Variants in SNX29 observed in about 807,000 individuals in gnomAD.
SNX29 encodes sorting nexin 29.
In SNX29, 78 loss-of-function variants were observed where a neutral mutation model predicts 102.1. That is an observed-to-expected ratio of 0.76 (90% CI 0.64 to 0.92). The LOEUF is 0.92. Ranked by LOEUF, SNX29 falls within the 40% of genes least tolerant of loss-of-function variation. The pLI, the probability that SNX29 is intolerant of heterozygous loss-of-function variation, is 0.00. For synonymous variants in SNX29, 580 were observed against 414.5 expected, an observed-to-expected ratio of 1.40 and a Z score of -4.85; for missense variants, 1,280 against 1,061.7, an observed-to-expected ratio of 1.21 and a Z score of -2.86.
Position 12,060,823 on chromosome 16 carries a change from G to C in SNX29, c.1125-705G>C, listed in dbSNP as rs2050743468. The C allele has an allele frequency of 4.4e-6, 2 of 456,218 alleles. 1 individual carries two copies. The highest frequency in any genetic ancestry group is 3.1e-5 in the South Asian group (2 of 64,576). The allele number at this position is 456,218 out of a possible 1,614,324, so 28.3% of individuals were successfully genotyped here. A position where few individuals can be genotyped will look rare whatever the true frequency, so the allele number is the denominator to read the frequency against. On this transcript the variant is annotated intron_variant, in intron 8 of 20. Coordinates refer to ENST00000566228, the MANE Select transcript of SNX29 (RefSeq NM_032167.5). The stretch of plus-strand genomic sequence containing the variant: ...GGCGTTTCGAAGATGGCACGCATTA[G>C]AGATTTGTACTTTGTGGGTAAGGTG...
chr16:12,407,329 T>G (rs1159457519), intron 18 of SNX29, among the ~76,000 whole-genome samples: 6 of 27,844 alleles, frequency 2.2e-4, no homozygotes, highest in African/African-American at 4.3e-4. Context: ...AATTAGATTG[T>G]TTTTTTTTTT....
chr16:12,084,514 G>C (rs557263343), intron 11 of SNX29, among the ~76,000 whole-genome samples: 1 of 152,324 alleles, frequency 6.6e-6, no homozygotes, highest in East Asian at 1.9e-4. Flanking sequence ...TAGGTTCCCA[G>C]TTCTTGTTTC....
At chr16:12,183,863 A>G (rs755166854) in intron 13 of SNX29, among the ~76,000 whole-genome samples, 1 of 152,226 alleles carries the variant, frequency 6.6e-6, no homozygotes, top group Non-Finnish European at 1.5e-5. Context: ...ACCTCTAGTC[A>G]TCATCACTGC....
chr16:12,091,785 A>AG (rs1035496311), intron 11 of SNX29, among the ~76,000 whole-genome samples: 2 of 150,442 alleles, frequency 1.3e-5, no homozygotes, highest in African/African-American at 4.9e-5. Flanking sequence ...CAAAAAAAAA[A>AG]AAAAAAAAGG....
In SNX29 at chr16:12,572,456, A is replaced by G; in HGVS notation, c.*3827A>G. On this transcript the variant is annotated 3_prime_UTR_variant, in exon 21 of 21. Transcript: ENST00000566228. ...TGCCTCTCTTGGTTCTGCATGGTAC[A>G]TTTTGCCAACCCTGAGGACCAGTTC... 2.8e-6 allele frequency: 3 copies of G among 1,063,362 alleles called. No homozygotes were observed. The highest frequency in any genetic ancestry group is 5.4e-5 in the Admixed American group (1 of 18,666). The allele number at this position is 1,063,362 out of a possible 1,614,324, so 65.9% of individuals were successfully genotyped here.
At chr16:12,427,644 A>C (rs934945752) in intron 18 of SNX29, among the ~76,000 whole-genome samples, 2 of 152,224 alleles carry the variant, frequency 1.3e-5, no homozygotes, top group African/African-American at 4.8e-5. Flanking sequence ...GGAGGTTAAT[A>C]AAACGGCCAG....
chr16:12,254,645 CA>C (rs112978310), intron 14 of SNX29, among the ~76,000 whole-genome samples: 271 of 138,874 alleles, frequency 2.0e-3, no homozygotes, highest in Middle Eastern at 3.7e-3. Flanking sequence ...ACTCCATCTC[CA>C]AAAAAAAAAA....
At chr16:12,354,400 C>T (rs2082074069) in intron 15 of SNX29, among the ~76,000 whole-genome samples, 1 of 152,178 alleles carries the variant, frequency 6.6e-6, no homozygotes, top group Non-Finnish European at 1.5e-5. Flanking sequence ...GCTCTTCTGG[C>T]TGTGGAAGAG....
At chr16:12,302,541 T>A (rs954300098) in intron 15 of SNX29, among the ~76,000 whole-genome samples, 1 of 152,126 alleles carries the variant, frequency 6.6e-6, no homozygotes, top group Admixed American at 6.5e-5. Context: ...CTTGCCATGT[T>A]CTCACATCGT....
intron 20 of SNX29, among the ~76,000 whole-genome samples, chr16:12,553,499 G>GCA (rs570838638): frequency 6.6e-6 from 1 of 152,176 alleles, no homozygotes; most frequent in Non-Finnish European, 1.5e-5. Flanking sequence ...CAGGGCAGGT[G>GCA]CACACTTGCC....
intron 16 of SNX29, among the ~76,000 whole-genome samples, chr16:12,364,416 C>CTTTTT (rs1163569342): frequency 3.0e-5 from 3 of 98,778 alleles, no homozygotes; most frequent in African/African-American, 1.0e-4. Context: ...CTCTCTTCTT[C>CTTTTT]TTTTTTTTTT....
chr16:12,171,487 T>C (rs575358606), intron 13 of SNX29, among the ~76,000 whole-genome samples: 1 of 152,318 alleles, frequency 6.6e-6, no homozygotes, highest in Non-Finnish European at 1.5e-5. Flanking sequence ...GAGGGAGGGC[T>C]CTAGGGAGGG....
chr16:12,013,249 C>T (rs1027262644), intron 3 of SNX29, among the ~76,000 whole-genome samples: 1 of 151,394 alleles, frequency 6.6e-6, no homozygotes, highest in Non-Finnish European at 1.5e-5. Flanking sequence ...AAAATAAAGA[C>T]ACCGAAATTC....
intron 18 of SNX29, among the ~76,000 whole-genome samples, chr16:12,442,615 C>G (rs1313739892): frequency 6.6e-6 from 1 of 150,568 alleles, no homozygotes; most frequent in Non-Finnish European, 1.5e-5. Flanking sequence ...TATAGGGTCT[C>G]AGGCTGTCAC....
intron 3 of SNX29, among the ~76,000 whole-genome samples, chr16:12,015,612 T>C (rs1052313799): frequency 8.6e-5 from 13 of 151,088 alleles, no homozygotes; most frequent in African/African-American, 3.2e-4. Context: ...CTTGGCTCAG[T>C]GCAAGCTCCG....
intron 16 of SNX29, among the ~76,000 whole-genome samples, chr16:12,387,699 G>T (rs757306773): frequency 6.6e-6 from 1 of 152,144 alleles, no homozygotes; most frequent in Non-Finnish European, 1.5e-5. Context: ...CTGTTAATAA[G>T]TGTTGAGGCC....
intron 19 of SNX29, among the ~76,000 whole-genome samples, chr16:12,510,079 T>C (rs1363837862): frequency 6.6e-6 from 1 of 152,282 alleles, no homozygotes. Flanking sequence ...ATCCCTGCAC[T>C]CTGCCTCCGG....
At chr16:12,231,101 C>T (rs1032296218) in intron 14 of SNX29, among the ~76,000 whole-genome samples, 10 of 152,172 alleles carry the variant, frequency 6.6e-5, no homozygotes, top group Admixed American at 3.3e-4. Flanking sequence ...GATCCTCCCA[C>T]CTCGGCCTCC....
chr16:12,536,034 G>A, intron 20 of SNX29, among the ~76,000 whole-genome samples: 1 of 152,088 alleles, frequency 6.6e-6, no homozygotes, highest in Non-Finnish European at 1.5e-5. Flanking sequence ...TTCCTAATTT[G>A]ATTGCCCATG....
Sources: gnomAD v4.1 joint callset for allele counts (sites outside exome capture counted in the v4.1 genomes callset) on GRCh38, gnomAD v4.1.1 for gene constraint, MANE v1.5 for transcripts, NCBI Gene and HGNC (gene_info 2026-07-23, HGNC 2026-07-21) for gene names.